The following CASP8 variants were observed in gnomAD, a reference collection of about 807,000 sequenced individuals.
The protein encoded by CASP8 is caspase-8.
CASP8 carries 24 observed loss-of-function variants against 46.3 expected under a neutral mutation model. The observed-to-expected ratio is 0.52, with a 90% CI of 0.38 to 0.73. CASP8 has a LOEUF of 0.73. CASP8 is among the 30% of genes least tolerant of loss of function. The pLI is 0.00. For synonymous variants in CASP8, 188 were observed against 200.4 expected, an observed-to-expected ratio of 0.94 and a Z score of 0.52; for missense variants, 460 against 559.0, an observed-to-expected ratio of 0.82 and a Z score of 1.79.
Position 201,271,605 on chromosome 2 carries a change from A to G in CASP8, c.395A>G (p.Lys132Arg). Residue 132 changes from lysine to arginine, a missense_variant, in exon 3 of 9, where the codon AAA becomes AGA. Lys to Arg is a conservative substitution (Grantham distance 26). Coordinates refer to ENST00000673742, the MANE Select transcript of CASP8 (RefSeq NM_001372051.1). ...FLLQEEISKC[K>R]LDDDMNLLDI... ...TTGCAAGAGGAAATCTCCAAATGCA[A>G]ACTGGATGATGACATGGTAAGACCT... The G allele has an allele frequency of 6.3e-7, 1 of 1,589,982 alleles. No homozygotes were observed. Among genetic ancestry groups the G allele is most frequent in the Non-Finnish European group, 8.6e-7 (1 of 1,157,986 alleles).
rs1028326505 is a variant in CASP8, at chr2:201,269,087, C to T, written c.305+2296C>T. Among the ~76,000 whole-genome samples, 5 of 151,742 alleles carry T rather than the reference C, an allele frequency of 3.3e-5. No homozygotes were observed. The East Asian group carries it at 5.8e-4, about 18-fold the overall frequency. ...CCAAGTAGCTGGGACTACAGGCACC[C>T]GCCACCATGTCTGGCTAATTTTTGT... On this transcript the variant is annotated intron_variant, in intron 2 of 8. Coordinates refer to ENST00000673742, the MANE Select transcript of CASP8 (RefSeq NM_001372051.1).
chr2:201,254,243 G>A (rs1331497720), intron 2 of CASP8, among the ~76,000 whole-genome samples: 1 of 152,168 alleles, frequency 6.6e-6, no homozygotes, highest in African/African-American at 2.4e-5. Context: ...CAATCAACAA[G>A]CTGCAGAGTA....
At chr2:201,285,465 G>C (rs1421116497) in intron 8 of CASP8, 148 bp downstream of exon 8, 1 of 978,956 alleles carries the variant, frequency 1.0e-6, no homozygotes, top group African/African-American at 1.6e-5. Flanking sequence ...TCCAAGGGGA[G>C]TGGTTTCCGT....
intron 2 of CASP8, chr2:201,242,785 C>G (rs1946357764): frequency 1.3e-5 from 2 of 152,034 alleles, no homozygotes; most frequent in African/African-American, 4.8e-5. Flanking sequence ...ATATATTATA[C>G]TCCCATGGTC....
intron 2 of CASP8, among the ~76,000 whole-genome samples, chr2:201,245,864 CTTTTTTTTTTTTT>C (rs60096366): frequency 2.4e-5 from 3 of 124,458 alleles, no homozygotes; most frequent in Non-Finnish European, 5.0e-5. Flanking sequence ...CTTGTTTGTT[CTTTTTTTTTTTTT>C]TTTTTTTGAG....
Position 201,266,555 on chromosome 2 carries a change from G to A in CASP8, c.69G>A (p.Lys23=). 1 of 1,614,130 alleles carries A rather than the reference G, an allele frequency of 6.2e-7. No individual in the cohort carries two copies. Among genetic ancestry groups the A allele is most frequent in the Non-Finnish European group, 8.5e-7 (1 of 1,179,990 alleles). The part of the protein sequence containing the change: ...QLDSEDLASL[K]FLSLDYIPQR... ...ACAGTGAAGATCTGGCCTCCCTCAAGTTCCTGAGCCTGGACTACATTCCGC... is the reference window on the plus strand; with the variant it reads ...ACAGTGAAGATCTGGCCTCCCTCAAATTCCTGAGCCTGGACTACATTCCGC... The change falls in exon 2 of 9, where the codon AAG becomes AAA. Residue 23 remains lysine (K), a synonymous_variant. Transcript: ENST00000673742. The surrounding 1 kb of genome is among the most constrained non-coding windows in gnomAD (Gnocchi z 5.7).
intron 7 of CASP8, 139 bp from the exon 8 acceptor site, chr2:201,284,677 G>GGAGAC (rs1949445768): frequency 1.3e-5 from 1 of 76,436 alleles, no homozygotes; most frequent in African/African-American, 5.9e-5. Flanking sequence ...ACGGGGAGAG[G>GGAGAC]GAGAGGGAGA....
chr2:201,260,663 G>T (rs936050803), intron 1 of CASP8, 50 bp downstream of exon 1: 19 of 667,232 alleles, frequency 2.8e-5, no homozygotes, highest in Non-Finnish European at 3.3e-5. Context: ...TGGGAGGAAG[G>T]CCTTTGATTC....
chr2:201,265,981 GTT>G (rs113734571), intron 1 of CASP8, among the ~76,000 whole-genome samples: 69 of 138,898 alleles, frequency 5.0e-4, no homozygotes, highest in African/African-American at 6.1e-4. Flanking sequence ...TGTTTTTTGT[GTT>G]TTTTTTTTTT....
chr2:201,269,239 A>C (rs568384026), intron 2 of CASP8, among the ~76,000 whole-genome samples: 19 of 152,240 alleles, frequency 1.2e-4, no homozygotes, highest in African/African-American at 4.1e-4. Context: ...GCGCCTGGCC[A>C]GCATGACCTC....
At chr2:201,254,776 C>A (rs1052963896) in intron 2 of CASP8, among the ~76,000 whole-genome samples, 1 of 152,126 alleles carries the variant, frequency 6.6e-6, no homozygotes, top group African/African-American at 2.4e-5. Flanking sequence ...CAGGACCAGG[C>A]CTCCAGGTGG....
intron 1 of CASP8, among the ~76,000 whole-genome samples, chr2:201,262,901 A>C (rs1023454798): frequency 2.0e-5 from 3 of 152,212 alleles, no homozygotes; most frequent in African/African-American, 7.2e-5. Context: ...TTAAGCAAAA[A>C]ACAAAAAACA....
Position 201,281,795 on chromosome 2 carries a change from A to G in CASP8, c.803-3021A>G, listed in dbSNP as rs185626243. 5.7e-4 allele frequency: 761 copies of G among 1,327,318 alleles called. 23 individuals are homozygous for G. The African/African-American group carries it at 0.01, about 18-fold the overall frequency. 82.2% of individuals were successfully genotyped at this position (1,327,318 alleles called of 1,614,324 possible). On this transcript the variant is annotated intron_variant, in intron 7 of 8. Transcript: ENST00000673742. ...TAAACTAGTTTACTAGAGAAAACAGACCAACAATAACACTCTCTCCTTTCT... is the reference window on the plus strand; with the variant it reads ...TAAACTAGTTTACTAGAGAAAACAGGCCAACAATAACACTCTCTCCTTTCT...
intron 2 of CASP8, chr2:201,241,740 C>T (rs1946308764): frequency 6.6e-6 from 1 of 152,192 alleles, no homozygotes; most frequent in Admixed American, 6.5e-5. Flanking sequence ...CAAACAAAGA[C>T]ACCACAAGAA....
chr2:201,239,187 A>C (rs1231656334), intron 2 of CASP8, among the ~76,000 whole-genome samples: 1 of 152,224 alleles, frequency 6.6e-6, no homozygotes, highest in Non-Finnish European at 1.5e-5. Context: ...AGACACGGCA[A>C]CCATCCAATT....
rs75697212 is a variant in CASP8, at chr2:201,241,873, C to G, written c.-27+7761C>G. 48 of 152,120 alleles carry G rather than the reference C, an allele frequency of 3.2e-4. No individual in the cohort carries two copies. In the East Asian group the frequency reaches 6.9e-3, roughly 22 times the overall value. The allele number at this position is 152,120 out of a possible 1,614,324, so 9.4% of individuals were successfully genotyped here. The stretch of plus-strand genomic sequence containing the variant: ...ACATCCTGACTGAGTGGCATTTATC[C>G]CTAGGATACAAGTATGGATCAACAT... On this transcript the variant is annotated intron_variant, in intron 2 of 6. Coordinates refer to the CASP8 transcript ENST00000264274.
At chr2:201,269,531 C>G in intron 2 of CASP8, 1 of 1,613,370 alleles carries the variant, frequency 6.2e-7, no homozygotes, top group Non-Finnish European at 8.5e-7. Context: ...GCCGCATGAG[C>G]TGGGCTGAAG....
At chr2:201,251,594 CAAA>C (rs59005124) in intron 2 of CASP8, among the ~76,000 whole-genome samples, 13 of 102,200 alleles carry the variant, frequency 1.3e-4, no homozygotes, top group Non-Finnish European at 1.4e-4. Context: ...GACTCTGTGT[CAAA>C]AAAAAAAAAA....
chr2:201,272,417 G>A lies in CASP8; in HGVS notation c.412-221G>A, dbSNP rs1000946326. Among the ~76,000 whole-genome samples the A allele has an allele frequency of 6.6e-6, 1 of 152,086 alleles. No homozygotes were observed. Among genetic ancestry groups the A allele is most frequent in the East Asian group, 1.9e-4 (1 of 5,194 alleles). ...CTGGGGACTGGGTGACATCTGACAT[G>A]GCTTCTCCTTTATCCTCTCACTTCT... On this transcript the variant is annotated intron_variant, in intron 3 of 8. Coordinates refer to ENST00000673742, the MANE Select transcript of CASP8 (RefSeq NM_001372051.1). The surrounding 1 kb of genome is among the most constrained non-coding windows in gnomAD (Gnocchi z 4.4).
Sources: gnomAD v4.1 joint callset for allele counts (sites outside exome capture counted in the v4.1 genomes callset) on GRCh38, gnomAD v4.1.1 for gene constraint, Gnocchi (gnomAD v3.1) non-coding constraint, MANE v1.5 for transcripts, NCBI Gene and HGNC (gene_info 2026-07-23, HGNC 2026-07-21) for gene names.